C7orf57: variants seen among roughly 807,000 people sequenced by gnomAD.
The protein encoded by C7orf57 is chromosome 7 open reading frame 57.
Under a neutral mutation model 39.0 loss-of-function variants are expected in C7orf57, and 33 were observed. That is an observed-to-expected ratio of 0.85 (90% confidence interval 0.64 to 1.13). The LOEUF (loss-of-function observed/expected upper bound fraction) is 1.13. Ranked by LOEUF, C7orf57 falls within the 50% of genes most tolerant of loss-of-function variation. The probability of loss-of-function intolerance (pLI) is 0.00; values close to 1 mark genes in which losing one functional copy is unlikely to be tolerated. For missense variants in C7orf57, 346 were observed against 362.3 expected (o/e 0.95, Z 0.37); for synonymous variants, 124 against 137.1 (o/e 0.90, Z 0.67).
chr7:48,059,538 A>G (rs1252173934), intron 8 of C7orf57, among the ~76,000 whole-genome samples: 1 of 152,072 alleles, frequency 6.6e-6, no homozygotes, highest in Non-Finnish European at 1.5e-5. Flanking sequence ...TTTTGTAGGG[A>G]CGAGGTTTCG....
intron 7 of C7orf57, 139 bp downstream of exon 7, chr7:48,053,062 T>C (rs747842081): frequency 1.4e-6 from 1 of 733,268 alleles, no homozygotes; most frequent in South Asian, 1.5e-5. Flanking sequence ...ACAGAAGTAC[T>C]AAGGTTACAG....
rs977066344 is a variant in C7orf57, at chr7:48,037,768, T to TGTGTGCGC, written c.55+1406_55+1407insTGTGCGCG. 1.4e-3 allele frequency among the ~76,000 whole-genome samples: 214 copies of TGTGTGCGC among 150,438 alleles called. 1 individual carries two copies. The highest frequency in any genetic ancestry group is 4.8e-3 in the African/African-American group (197 of 41,172). ...AACCCTCTGTGTGTGTGTGTGTGTG[T>TGTGTGCGC]GCGCGCGCGTGCGTGTGTGTGAGGT... On this transcript the variant is annotated intron_variant, in intron 2 of 8. Coordinates refer to ENST00000348904, the MANE Select transcript of C7orf57 (RefSeq NM_001100159.3).
Position 48,056,372 on chromosome 7 carries a change from T to C in C7orf57, c.841+1766T>C, listed in dbSNP as rs376253017. 7.9e-5 allele frequency among the ~76,000 whole-genome samples: 12 copies of C among 152,314 alleles called. No homozygotes were observed. The East Asian group carries it at 1.4e-3, about 17-fold the overall frequency. ...TTTTGGATATTAACCCCTTATCAGA[T>C]GTATGGTTTCCAGATATTTTTCCTG... On this transcript the variant is annotated intron_variant, in intron 8 of 8. Coordinates refer to ENST00000348904, the MANE Select transcript of C7orf57 (RefSeq NM_001100159.3).
At chr7:48,053,284 G>A (rs1345527290) in intron 7 of C7orf57, among the ~76,000 whole-genome samples, 1 of 152,122 alleles carries the variant, frequency 6.6e-6, no homozygotes, top group Non-Finnish European at 1.5e-5. Flanking sequence ...TGCATAAGCA[G>A]CCGGTACTTT....
At chr7:48,036,059 T>C (rs965214499) in intron 1 of C7orf57, 149 bp from the exon 2 acceptor site, 8 of 600,628 alleles carry the variant, frequency 1.3e-5, no homozygotes, top group Non-Finnish European at 2.4e-5. Context: ...CGTGATGTGC[T>C]CCCTTCTGTT....
chr7:48,041,228 A>G, intron 2 of C7orf57, 106 bp from the exon 3 acceptor site: 1 of 1,054,482 alleles, frequency 9.5e-7, no homozygotes, highest in South Asian at 1.8e-5. Flanking sequence ...TGTGGCTTGC[A>G]CTGCCCCACC....
intron 5 of C7orf57, among the ~76,000 whole-genome samples, 168 bp downstream of exon 5, chr7:48,046,784 T>C (rs1462051383): frequency 6.6e-6 from 1 of 152,262 alleles, no homozygotes; most frequent in Admixed American, 6.5e-5. Context: ...GCAGGCACCA[T>C]ACTATGGTCT....
chr7:48,036,297 C>T lies in C7orf57; in HGVS notation c.-12C>T, dbSNP rs1166893083. The T allele has an allele frequency of 6.3e-7, 1 of 1,578,296 alleles. No individual in the cohort carries two copies. Among genetic ancestry groups the T allele is most frequent in the East Asian group, 2.3e-5 (1 of 42,678 alleles). On this transcript the variant is annotated 5_prime_UTR_variant, in exon 2 of 9. Transcript: ENST00000348904. ...AGCATCTGTCTTTTCCCGCAGCGTG[C>T]AGCGCCTGACCATGAGGAACACAAG...
chr7:48,035,734 G>A lies in C7orf57; in HGVS notation c.-102+104G>A. 1.7e-6 allele frequency: 1 copy of A among 586,856 alleles called. No individual in the cohort carries two copies. Among genetic ancestry groups the A allele is most frequent in the South Asian group, 2.0e-5 (1 of 50,350 alleles). The allele number at this position is 586,856 out of a possible 1,614,324, so 36.4% of individuals were successfully genotyped here. A position where few individuals can be genotyped will look rare whatever the true frequency, so the allele number is the denominator to read the frequency against. ...GCGGGCAGTGCGCGCCGGGGCTGGA[G>A]GGAGGGGACCACCTTGTCGCCGGGT... is the stretch of plus-strand genomic sequence containing the variant. On this transcript the variant is annotated intron_variant, in intron 1 of 8. Transcript: ENST00000348904. The surrounding 1 kb of genome is among the most constrained non-coding windows in gnomAD (Gnocchi z 4.0).
At position 48,041,347 on chromosome 7, in the gene C7orf57, C is replaced by T. The variant is rs17132050; in HGVS notation, c.69C>T (p.His23=). The T allele has an allele frequency of 1.3e-3, 2,157 of 1,612,928 alleles. 20 individuals carry two copies. In the African/African-American group the frequency reaches 0.025, roughly 19 times the overall value. Residue 23 remains histidine (H), a synonymous_variant, in exon 3 of 9, where the codon CAC becomes CAT. Transcript: ENST00000348904. ...HRYAPCDWYY[H]VPVKRSEKAV... ...TCTCCTCTATAGATTGGTATTACCA[C>T]GTCCCAGTGAAGCGCTCTGAGAAGG... is the stretch of plus-strand genomic sequence containing the variant.
In C7orf57 at chr7:48,060,440, G is replaced by T. The variant is rs1449318854; in HGVS notation, c.*168G>T. On this transcript the variant is annotated 3_prime_UTR_variant, in exon 9 of 9. Coordinates refer to ENST00000348904, the MANE Select transcript of C7orf57 (RefSeq NM_001100159.3). ...TTGCTGCATAGAAGGGGCAGGTGTT[G>T]GTTTTTGTTTCTTGCATTTCTCTGG... The T allele has an allele frequency of 8.3e-6, 4 of 481,800 alleles. No homozygotes were observed. Among genetic ancestry groups the T allele is most frequent in the Non-Finnish European group, 1.5e-5 (4 of 263,606 alleles). 29.8% of individuals were successfully genotyped at this position (481,800 alleles called of 1,614,324 possible). A position where few individuals can be genotyped will look rare whatever the true frequency, so the allele number is the denominator to read the frequency against.
In C7orf57 at chr7:48,035,543, G is replaced by A. The variant is rs1374461675; in HGVS notation, c.-189G>A. The A allele has an allele frequency of 1.4e-6, 1 of 698,362 alleles. No individual in the cohort carries two copies. The highest frequency in any genetic ancestry group is 2.6e-6 in the Non-Finnish European group (1 of 383,676). The allele number at this position is 698,362 out of a possible 1,614,324, so 43.3% of individuals were successfully genotyped here. A position where few individuals can be genotyped will look rare whatever the true frequency, so the allele number is the denominator to read the frequency against. On this transcript the variant is annotated 5_prime_UTR_variant, in exon 1 of 9. Coordinates refer to ENST00000348904, the MANE Select transcript of C7orf57 (RefSeq NM_001100159.3). This position sits in a 1 kb window ranked among gnomAD's most constrained non-coding sequence, Gnocchi z 4.0. The stretch of plus-strand genomic sequence containing the variant: ...TGGTTCCGCGGCGCGCTGGGAGTTT[G>A]GGTTTGGTTGGCTGCAGCCAGCCAG...
chr7:48,036,188 C>A lies in C7orf57; in HGVS notation c.-101-20C>A. On this transcript the variant is annotated intron_variant, in intron 1 of 8. Transcript: ENST00000348904. ...CGTACAGACCGACCCAGAGCGGGCG[C>A]GCGGATTTTGCTTTTGCAGCTGCAG... 1.9e-6 allele frequency: 2 copies of A among 1,051,974 alleles called. No individual in the cohort carries two copies. Among genetic ancestry groups the A allele is most frequent in the Non-Finnish European group, 2.9e-6 (2 of 692,632 alleles). 65.2% of individuals were successfully genotyped at this position (1,051,974 alleles called of 1,614,324 possible).
chr7:48,038,893 G>A (rs775815871), intron 2 of C7orf57, among the ~76,000 whole-genome samples: 3 of 152,176 alleles, frequency 2.0e-5, no homozygotes, highest in Admixed American at 6.5e-5. Flanking sequence ...CCAGGTCATA[G>A]GTGGATTTAA....
intron 6 of C7orf57, 68 bp downstream of exon 6, chr7:48,050,045 G>A (rs1790830465): frequency 1.9e-6 from 2 of 1,029,546 alleles, no homozygotes; most frequent in Non-Finnish European, 3.0e-6. Context: ...CTTTCATCCG[G>A]TGATGACTGC....
intron 5 of C7orf57, among the ~76,000 whole-genome samples, chr7:48,048,769 A>T (rs1790789312): frequency 1.0e-5 from 1 of 99,170 alleles, no homozygotes; most frequent in Non-Finnish European, 2.2e-5. Context: ...GCAAGCCCTG[A>T]TCTGTTTTCA....
At chr7:48,038,383 T>TATATAGATAG (rs148010398) in intron 2 of C7orf57, among the ~76,000 whole-genome samples, 65 of 150,242 alleles carry the variant, frequency 4.3e-4, no homozygotes, top group African/African-American at 1.4e-3. Flanking sequence ...TCTATATACA[T>TATATAGATAG]ATAGATAGAT....
At chr7:48,036,931 GTT>G (rs34982671) in intron 2 of C7orf57, among the ~76,000 whole-genome samples, 6,691 of 148,402 alleles carry the variant, frequency 0.045, 320 homozygotes, top group African/African-American at 0.13. Flanking sequence ...TGTCTTCTGG[GTT>G]TTTTTTTTTT....
intron 6 of C7orf57, among the ~76,000 whole-genome samples, chr7:48,051,409 G>A (rs531610228): frequency 4.2e-4 from 60 of 142,024 alleles, no homozygotes; most frequent in African/African-American, 1.4e-3. Flanking sequence ...GGAGTGCAGC[G>A]GCGCAATCTT....
Sources: gnomAD v4.1 joint callset for allele counts (sites outside exome capture counted in the v4.1 genomes callset) on GRCh38, gnomAD v4.1.1 for gene constraint, Gnocchi (gnomAD v3.1) non-coding constraint, MANE v1.5 for transcripts, NCBI Gene and HGNC (gene_info 2026-07-23, HGNC 2026-07-21) for gene names.